Variants in SLC5A2 observed in about 807,000 individuals in gnomAD.
SLC5A2 encodes the protein sodium/glucose cotransporter 2.
Under a neutral mutation model 69.0 loss-of-function variants are expected in SLC5A2, and 67 were observed. The ratio of observed to expected loss-of-function variants is 0.97; its 90% CI spans 0.80 to 1.19. The LOEUF (loss-of-function observed/expected upper bound fraction) is 1.19. Ranked by LOEUF, SLC5A2 falls within the 50% of genes most tolerant of loss-of-function variation. The pLI is 0.00. For missense variants in SLC5A2, 1,001 were observed against 921.5 expected, an observed-to-expected ratio of 1.09 and a Z score of -1.12; for synonymous variants, 455 against 395.8, an observed-to-expected ratio of 1.15 and a Z score of -1.78.
chr16:31,485,594 C>A, intron 3 of SLC5A2, 135 bp from the exon 4 acceptor site: 1 of 1,070,218 alleles, frequency 9.3e-7, no homozygotes, highest in Non-Finnish European at 1.4e-6. Context: ...CCGGGGCCAT[C>A]ACCTGCAGTT....
chr16:31,483,320 A>T (rs930865545), intron 1 of SLC5A2, 58 bp downstream of exon 1: 2 of 1,606,390 alleles, frequency 1.2e-6, no homozygotes, highest in Non-Finnish European at 1.7e-6. Context: ...CTGGGGGAAA[A>T]GTCTCAGGGG....
intron 12 of SLC5A2, 106 bp downstream of exon 12, chr16:31,489,444 G>A (rs564263707): frequency 2.0e-6 from 2 of 1,024,860 alleles, no homozygotes; most frequent in African/African-American, 1.6e-5. Flanking sequence ...TGAGGGTTGG[G>A]AATGGGCTGG....
intron 7 of SLC5A2, 80 bp from the exon 8 acceptor site, chr16:31,487,958 G>A: frequency 1.3e-6 from 2 of 1,588,850 alleles, no homozygotes; most frequent in Non-Finnish European, 1.7e-6. Context: ...CGAGCCAGAG[G>A]CGGGGCACAG....
Position 31,490,670 on chromosome 16 carries a change from C to T in SLC5A2, c.*135C>T, listed in dbSNP as rs1252853699. 5.5e-6 allele frequency: 6 copies of T among 1,089,420 alleles called. No homozygotes were observed. The highest frequency in any genetic ancestry group is 1.6e-5 in the African/African-American group (1 of 64,458). The allele number at this position is 1,089,420 out of a possible 1,614,324, so 67.5% of individuals were successfully genotyped here. ...CTCCCCTTCTCCCGGCCTTCCTCTG[C>T]CTGGGGCCCACTGCATCTGATTGGC... is the stretch of plus-strand genomic sequence containing the variant. On this transcript the variant is annotated 3_prime_UTR_variant, in exon 14 of 14. Coordinates refer to ENST00000330498, the MANE Select transcript of SLC5A2 (RefSeq NM_003041.4).
At position 31,486,288 on chromosome 16, in the gene SLC5A2, G is replaced by C; in HGVS notation, c.574+13G>C. ...TACACGGTGACAGGTGCCAGCAGGG[G>C]CTTAGGAAAGGGAGTGGGCCTGGGA... On this transcript the variant is annotated intron_variant, in intron 5 of 13. Transcript: ENST00000330498. 1 of 1,599,104 alleles carries C rather than the reference G, an allele frequency of 6.3e-7. No homozygotes were observed. Among genetic ancestry groups the C allele is most frequent in the Non-Finnish European group, 8.6e-7 (1 of 1,166,804 alleles).
intron 5 of SLC5A2, 134 bp from the exon 6 acceptor site, chr16:31,487,186 G>A (rs1310470263): frequency 4.4e-6 from 4 of 912,880 alleles, no homozygotes; most frequent in East Asian, 4.9e-5. Flanking sequence ...CATGAGCCCC[G>A]AGAACAGGCT....
intron 4 of SLC5A2, 46 bp from the exon 5 acceptor site, chr16:31,486,124 G>C: frequency 6.9e-7 from 1 of 1,453,058 alleles, no homozygotes; most frequent in Non-Finnish European, 9.7e-7. Flanking sequence ...AGGTGGGCTG[G>C]GGACACTGCC....
chr16:31,489,960 T>G (rs2082546440), intron 12 of SLC5A2, 144 bp from the exon 13 acceptor site: 2 of 1,058,412 alleles, frequency 1.9e-6, no homozygotes, highest in Non-Finnish European at 2.8e-6. Flanking sequence ...TAGGGTGGAG[T>G]TGGCATGAGT....
Position 31,487,333 on chromosome 16 carries a change from G to A in SLC5A2, c.588G>A (p.Ala196=), listed in dbSNP as rs2082503768. 1.9e-6 allele frequency: 3 copies of A among 1,613,950 alleles called. No homozygotes were observed. Among genetic ancestry groups the A allele is most frequent in the Non-Finnish European group, 2.5e-6 (3 of 1,180,040 alleles). The change falls in exon 6 of 14, where the codon GCG becomes GCA. Residue 196 remains alanine, a synonymous_variant. Transcript: ENST00000330498. ...MIYTVTGGLA[A]LMYTDTVQTF... is the part of the protein sequence containing the mutation. ...GGCCTGTTGCAGGAGGGCTGGCCGC[G>A]CTGATGTACACGGACACGGTACAGA...
rs2082491599 is a variant in SLC5A2, at chr16:31,485,883, C to T, written c.458C>T (p.Thr153Ile). The change falls in exon 4 of 14, where the codon ACC (threonine) becomes ATC (isoleucine). Residue 153 changes from threonine (T) to isoleucine (I), a missense_variant. Coordinates refer to ENST00000330498, the MANE Select transcript of SLC5A2 (RefSeq NM_003041.4). ...SVLSLFLYIF[T>I]KISVDMFSGA... is the part of the protein sequence containing the mutation. ...CTCTCCCTTTTCCTGTACATCTTCACCAAGATCTCAGTGAGTGCCTGTGGC... is the reference window on the plus strand; with the variant it reads ...CTCTCCCTTTTCCTGTACATCTTCATCAAGATCTCAGTGAGTGCCTGTGGC... 1 of 1,613,532 alleles carries T rather than the reference C, an allele frequency of 6.2e-7. No individual in the cohort carries two copies.
In SLC5A2 at chr16:31,484,829, C is replaced by G. The variant is rs2082483054; in HGVS notation, c.209C>G (p.Ser70Cys). The change falls in exon 3 of 14, where the codon TCT becomes TGT. Residue 70 changes from serine (S) to cysteine (C), a missense_variant. Ser to Cys is a moderately radical substitution (Grantham distance 112, BLOSUM62 -1). Transcript: ENST00000330498. ...CCTCTGGCCACCCAGGTTGGGGCCT[C>G]TCTCTTCGCCAGCAACATCGGCAGT... ...RSMVWWPVGA[S>C]LFASNIGSGH... The G allele has an allele frequency of 6.2e-7, 1 of 1,613,540 alleles. No individual in the cohort carries two copies. Among genetic ancestry groups the G allele is most frequent in the Non-Finnish European group, 8.5e-7 (1 of 1,180,030 alleles).
Position 31,487,767 on chromosome 16 carries a change from TA to T in SLC5A2, c.885+9del, listed in dbSNP as rs2082510105. On this transcript the variant is annotated intron_variant, in intron 7 of 13. Coordinates refer to ENST00000330498, the MANE Select transcript of SLC5A2 (RefSeq NM_003041.4). Reference sequence around the variant, plus strand: ...TACTGGTGCAGCGACCAGGTGCGGGTATAGGGCTGCGCCTGCAGTGAGGCCG... The same window carrying T: ...TACTGGTGCAGCGACCAGGTGCGGGTTAGGGCTGCGCCTGCAGTGAGGCCG... The T allele has an allele frequency of 3.1e-6, 5 of 1,603,322 alleles. No homozygotes were observed. The highest frequency in any genetic ancestry group is 4.3e-6 in the Non-Finnish European group (5 of 1,176,358).
chr16:31,489,118 C>A lies in SLC5A2; in HGVS notation c.1450-5C>A. The A allele has an allele frequency of 6.2e-7, 1 of 1,607,310 alleles. No homozygotes were observed. The highest frequency in any genetic ancestry group is 8.5e-7 in the Non-Finnish European group (1 of 1,179,962). On this transcript the variant is annotated splice_region_variant and splice_polypyrimidine_tract_variant and intron_variant, in intron 11 of 13. Coordinates refer to ENST00000330498, the MANE Select transcript of SLC5A2 (RefSeq NM_003041.4). ...CCTCAGCAGGCTGACCTGTTTCCTT[C>A]GCAGGGCGCCTTCTGGGGACTCATC...
In SLC5A2 at chr16:31,487,595, A is replaced by G; in HGVS notation, c.721A>G (p.Thr241Ala). The G allele has an allele frequency of 6.2e-7, 1 of 1,613,878 alleles. No individual in the cohort carries two copies. Among genetic ancestry groups the G allele is most frequent in the African/African-American group, 1.3e-5 (1 of 75,022 alleles). ...ATACCTGGGAGCAGCGACTTCGCTGACGGTGTCCGAGGATCCAGCCGTGGG... is the reference window on the plus strand; with the variant it reads ...ATACCTGGGAGCAGCGACTTCGCTGGCGGTGTCCGAGGATCCAGCCGTGGG... ...DKYLGAATSL[T>A]VSEDPAVGNI... Residue 241 changes from threonine to alanine, a missense_variant, in exon 7 of 14, where the codon ACG becomes GCG. Transcript: ENST00000330498.
rs1284793200 is a variant in SLC5A2 at position 31,484,256 on chromosome 16, A to ACACACACACACACACACG, written c.127-416_127-415insACACACACACACACACGC. On this transcript the variant is annotated intron_variant, in intron 1 of 13. Coordinates refer to ENST00000330498, the MANE Select transcript of SLC5A2 (RefSeq NM_003041.4). The stretch of plus-strand genomic sequence containing the variant: ...CACACACACACACACACACACACAC[A>ACACACACACACACACACG]CGCACACACACACAAAAAGCTGGGT... 1.0e-4 allele frequency among the ~76,000 whole-genome samples: 15 copies of ACACACACACACACACACG among 145,724 alleles called. 1 individual carries two copies. The highest frequency in any genetic ancestry group is 3.1e-4 in the African/African-American group (12 of 38,438).
intron 4 of SLC5A2, 26 bp from the exon 5 acceptor site, chr16:31,486,144 G>C: frequency 9.5e-6 from 15 of 1,571,050 alleles, no homozygotes; most frequent in Non-Finnish European, 1.3e-5. Context: ...CCTGGGTCCT[G>C]ACCTGGCACT....
At chr16:31,489,081 G>A (rs1442852475) in intron 11 of SLC5A2, 33 bp downstream of exon 11, 4 of 1,603,300 alleles carry the variant, frequency 2.5e-6, no homozygotes, top group Non-Finnish European at 3.4e-6. Flanking sequence ...CGGCAGGGCT[G>A]GGCTTGCACA....
Position 31,485,645 on chromosome 16 carries a change from G to A in SLC5A2, c.304-84G>A, listed in dbSNP as rs551029907. The A allele has an allele frequency of 2.3e-5, 36 of 1,563,564 alleles. No individual in the cohort carries two copies. The East Asian group carries it at 4.3e-4, about 19-fold the overall frequency. On this transcript the variant is annotated intron_variant, in intron 3 of 13. Transcript: ENST00000330498. ...GATGTGGCCCTTCCCAGGGCCACTT[G>A]CTTGGAGTAGCACCTTCACGAAGAG...
In SLC5A2 at chr16:31,488,118, G is replaced by A. The variant is rs2082515283; in HGVS notation, c.966G>A (p.Leu322=). 2 of 1,614,094 alleles carry A rather than the reference G, an allele frequency of 1.2e-6. No homozygotes were observed. The highest frequency in any genetic ancestry group is 8.5e-7 in the Non-Finnish European group (1 of 1,179,978). The part of the protein sequence containing the change: ...AGCILCGYLK[L]TPMFLMVMPG... Reference sequence around the variant, plus strand: ...GCATCCTGTGTGGGTACCTGAAGCTGACGCCCATGTTTCTCATGGTCATGC... The same window carrying A: ...GCATCCTGTGTGGGTACCTGAAGCTAACGCCCATGTTTCTCATGGTCATGC... The change falls in exon 8 of 14, where the codon CTG becomes CTA. Residue 322 remains leucine (L), a synonymous_variant. Transcript: ENST00000330498.
Sources: gnomAD v4.1 joint callset for allele counts (sites outside exome capture counted in the v4.1 genomes callset) on GRCh38, gnomAD v4.1.1 for gene constraint, MANE v1.5 for transcripts, NCBI Gene and HGNC (gene_info 2026-07-23, HGNC 2026-07-21) for gene names.